The following EDIL3 variants were observed in gnomAD, a reference collection of about 807,000 sequenced individuals.
The protein encoded by EDIL3 is EGF-like repeat and discoidin I-like domain-containing protein 3.
A neutral mutation model predicts 67.4 loss-of-function variants in EDIL3; 37 were observed. The ratio of observed to expected loss-of-function variants is 0.55; its 90% CI spans 0.42 to 0.72. The LOEUF is 0.72. Among genes scored for constraint, EDIL3 ranks in the 30% least tolerant of loss-of-function variants. EDIL3 has a pLI of 0.00. For missense variants in EDIL3, 527 were observed against 586.3 expected, an observed-to-expected ratio of 0.90 and a Z score of 1.04; for synonymous variants, 195 against 196.3, an observed-to-expected ratio of 0.99 and a Z score of 0.05.
intron 9 of EDIL3, among the ~76,000 whole-genome samples, chr5:84,044,978 T>G (rs969764325): frequency 6.6e-6 from 1 of 151,984 alleles, no homozygotes; most frequent in African/African-American, 2.4e-5. Flanking sequence ...ACTGGGTAAT[T>G]TACAAAGAAA....
chr5:84,150,614 T>TA, intron 4 of EDIL3, among the ~76,000 whole-genome samples: 1 of 152,248 alleles, frequency 6.6e-6, no homozygotes, highest in Admixed American at 6.5e-5. Context: ...TTACAACAGC[T>TA]AAAATTAAAA....
chr5:84,194,732 T>C (rs918711442), intron 3 of EDIL3, among the ~76,000 whole-genome samples: 3 of 151,942 alleles, frequency 2.0e-5, no homozygotes, highest in South Asian at 2.1e-4. Flanking sequence ...AATTTGTAAA[T>C]TCTATGTTAC....
In EDIL3 at chr5:84,230,281, T is replaced by C. The variant is rs979195565; in HGVS notation, c.197-397A>G. Among the ~76,000 whole-genome samples the C allele has an allele frequency of 8.5e-5, 13 of 152,226 alleles. 1 individual carries two copies. The highest frequency in any genetic ancestry group is 3.1e-4 in the African/African-American group (13 of 41,542). ...TATATAACATAGAGCTACCCCACCATCAATTTTCTATTTGGCAAAGAGGAA... is the reference window on the plus strand; with the variant it reads ...TATATAACATAGAGCTACCCCACCACCAATTTTCTATTTGGCAAAGAGGAA... On this transcript the variant is annotated intron_variant, in intron 2 of 10. Transcript: ENST00000296591.
chr5:84,190,491 TAGAC>T (rs751092961), intron 3 of EDIL3, among the ~76,000 whole-genome samples: 71 of 151,002 alleles, frequency 4.7e-4, no homozygotes, highest in Non-Finnish European at 9.6e-4. Flanking sequence ...ACATATCAAT[TAGAC>T]AGGGCATAAG....
At chr5:84,321,111 CAT>C (rs1746639002) in intron 1 of EDIL3, among the ~76,000 whole-genome samples, 1 of 152,134 alleles carries the variant, frequency 6.6e-6, no homozygotes, top group Admixed American at 6.6e-5. Context: ...TATTTTCCTA[CAT>C]GTTTACCTTT....
intron 9 of EDIL3, among the ~76,000 whole-genome samples, chr5:84,037,376 T>C (rs149931203): frequency 1.1e-4 from 17 of 152,352 alleles, no homozygotes; most frequent in African/African-American, 4.1e-4. Flanking sequence ...GTAAGTTTGA[T>C]TTACTCATCT....
intron 9 of EDIL3, 72 bp from the exon 10 acceptor site, chr5:83,963,432 A>G (rs1580255064): frequency 6.8e-7 from 1 of 1,476,940 alleles, no homozygotes; most frequent in Non-Finnish European, 9.0e-7. Flanking sequence ...TTTGATGTCA[A>G]GAGAATAAAA....
intron 1 of EDIL3, among the ~76,000 whole-genome samples, chr5:84,271,656 C>G (rs1450904023): frequency 6.6e-6 from 1 of 152,014 alleles, no homozygotes; most frequent in Non-Finnish European, 1.5e-5. Flanking sequence ...CTTAAAACCC[C>G]TTATCAAGTT....
chr5:84,208,685 CAAAAAAAAAAAAAAAAA>C (rs70975546), intron 3 of EDIL3, among the ~76,000 whole-genome samples: 1 of 59,410 alleles, frequency 1.7e-5, no homozygotes, highest in Non-Finnish European at 2.9e-5. Context: ...GACTCCGTCT[CAAAAAAAAAAAAAAAAA>C]AAAAAAAAAA....
At chr5:84,239,302 A>G (rs1032865933) in intron 2 of EDIL3, among the ~76,000 whole-genome samples, 3 of 152,188 alleles carry the variant, frequency 2.0e-5, no homozygotes, top group African/African-American at 7.2e-5. Flanking sequence ...ATGAGAATGG[A>G]AACAGTACTC....
intron 1 of EDIL3, among the ~76,000 whole-genome samples, chr5:84,363,896 C>T (rs950912393): frequency 6.6e-6 from 1 of 152,096 alleles, no homozygotes; most frequent in African/African-American, 2.4e-5. Flanking sequence ...AATATATAAG[C>T]ATTGTTCATA....
intron 5 of EDIL3, among the ~76,000 whole-genome samples, chr5:84,114,713 A>G (rs1184274887): frequency 6.6e-6 from 1 of 152,218 alleles, no homozygotes; most frequent in Non-Finnish European, 1.5e-5. Flanking sequence ...CTTAAAGAAA[A>G]GGCTGTTTCT....
chr5:84,368,901 C>T (rs78604546), intron 1 of EDIL3, among the ~76,000 whole-genome samples: 3,374 of 151,794 alleles, frequency 0.022, 50 homozygotes, highest in Middle Eastern at 0.041. Flanking sequence ...TGGGAAAATG[C>T]AAGTCAAAAC....
chr5:84,132,546 AT>A (rs1561440889), intron 5 of EDIL3, among the ~76,000 whole-genome samples: 1 of 105,476 alleles, frequency 9.5e-6, no homozygotes, highest in African/African-American at 3.8e-5. Context: ...TTTATATATA[AT>A]ATATATTTTA....
chr5:84,350,976 T>C (rs1209710628), intron 1 of EDIL3, among the ~76,000 whole-genome samples: 1 of 152,146 alleles, frequency 6.6e-6, no homozygotes, highest in Non-Finnish European at 1.5e-5. Flanking sequence ...TGGGATCCAG[T>C]GTGTATTTTA....
chr5:84,230,514 T>G (rs1744551905), intron 2 of EDIL3, among the ~76,000 whole-genome samples: 1 of 151,954 alleles, frequency 6.6e-6, no homozygotes, highest in African/African-American at 2.4e-5. Flanking sequence ...TTCAAGCAAT[T>G]CTCCTGTCTC....
intron 6 of EDIL3, among the ~76,000 whole-genome samples, chr5:84,099,386 A>G (rs1747320598): frequency 6.6e-6 from 1 of 151,748 alleles, no homozygotes; most frequent in African/African-American, 2.4e-5. Flanking sequence ...AGATATATAG[A>G]CCAATGGAAC....
At chr5:84,132,472 ATATATATTTTAATATATATTATATATTTT>A (rs1748000765) in intron 5 of EDIL3, among the ~76,000 whole-genome samples, 1 of 65,936 alleles carries the variant, frequency 1.5e-5, no homozygotes, top group African/African-American at 6.5e-5. Flanking sequence ...TTTATATATA[ATATATATTTTAATATATATTATATATTTT>A]ATATATAATA....
chr5:84,286,226 A>G (rs1745804222), intron 1 of EDIL3, among the ~76,000 whole-genome samples: 1 of 152,106 alleles, frequency 6.6e-6, no homozygotes, highest in Non-Finnish European at 1.5e-5. Context: ...GATAGCATGC[A>G]TTTTCACAAA....
Sources: gnomAD v4.1 joint callset for allele counts (sites outside exome capture counted in the v4.1 genomes callset) on GRCh38, gnomAD v4.1.1 for gene constraint, MANE v1.5 for transcripts, NCBI Gene and HGNC (gene_info 2026-07-23, HGNC 2026-07-21) for gene names.